ANKH: variants seen among roughly 807,000 people sequenced by gnomAD.
ANKH encodes mineralization regulator ANKH.
ANKH carries 15 observed loss-of-function variants against 49.0 expected under a neutral mutation model. That is an observed-to-expected ratio of 0.31 (90% CI 0.20 to 0.47). The LOEUF is 0.47. Among genes scored for constraint, ANKH ranks in the 20% least tolerant of loss-of-function variants. The pLI, the probability that ANKH is intolerant of heterozygous loss-of-function variation, is 1.00. For missense variants in ANKH, 429 were observed against 652.0 expected (o/e 0.66, Z 3.72); for synonymous variants, 273 against 260.0 (o/e 1.05, Z -0.48).
intron 1 of ANKH, among the ~76,000 whole-genome samples, chr5:14,818,378 G>A (rs1255649708): frequency 2.6e-5 from 4 of 151,642 alleles, no homozygotes; most frequent in Admixed American, 1.3e-4. Flanking sequence ...AGTGGCTCAC[G>A]CCTGTAATCC....
At chr5:14,803,532 A>T (rs1239445480) in intron 1 of ANKH, among the ~76,000 whole-genome samples, 1 of 152,188 alleles carries the variant, frequency 6.6e-6, no homozygotes, top group African/African-American at 2.4e-5. Context: ...CACCTGCCTC[A>T]GCCTCCCAAA....
intron 1 of ANKH, among the ~76,000 whole-genome samples, chr5:14,818,757 G>C (rs1211588012): frequency 6.6e-6 from 1 of 151,068 alleles, no homozygotes; most frequent in African/African-American, 2.4e-5. Context: ...ACTTCCAATG[G>C]AAACAGCAAT....
chr5:14,798,218 G>A, intron 1 of ANKH: 1 of 1,597,300 alleles, frequency 6.3e-7, no homozygotes, highest in Non-Finnish European at 8.6e-7. Context: ...GATGAAGGCT[G>A]AAATCTTTCC....
rs184987406 is a variant in ANKH at position 14,837,837 on chromosome 5, C to T, written c.96+33515G>A. On this transcript the variant is annotated intron_variant, in intron 1 of 11. Transcript: ENST00000284268. ...GACACATGGACACGTATGTTTACTGCGGCACTATTCACAATAGCAAAGACT... is the reference window on the plus strand; with the variant it reads ...GACACATGGACACGTATGTTTACTGTGGCACTATTCACAATAGCAAAGACT... Among the ~76,000 whole-genome samples, 534 of 152,236 alleles carry T rather than the reference C, an allele frequency of 3.5e-3. 4 individuals are homozygous for T. Among genetic ancestry groups the T allele is most frequent in the African/African-American group, 0.012 (503 of 41,542 alleles).
At chr5:14,822,158 T>C (rs1165665084) in intron 1 of ANKH, among the ~76,000 whole-genome samples, 1 of 152,214 alleles carries the variant, frequency 6.6e-6, no homozygotes, top group Admixed American at 6.5e-5. Flanking sequence ...AAAGTGCTAG[T>C]CTGAACTGTG....
rs1391712778 is a variant in ANKH, at chr5:14,713,828, T to TCCCTGCTCCTGAGCCTAGG, written c.1142-180_1142-162dup. The stretch of plus-strand genomic sequence containing the variant: ...CTCATCTTCCTGCCAGGGTTCCCCA[T>TCCCTGCTCCTGAGCCTAGG]CCCTGCTCCTGAGCCTAGGCCCGCC... On this transcript the variant is annotated intron_variant, in intron 9 of 11. Coordinates refer to ENST00000284268, the MANE Select transcript of ANKH (RefSeq NM_054027.6). The surrounding 1 kb of genome is among the most constrained non-coding windows in gnomAD (Gnocchi z 4.4). Among the ~76,000 whole-genome samples the TCCCTGCTCCTGAGCCTAGG allele has an allele frequency of 1.3e-5, 2 of 152,180 alleles. No individual in the cohort carries two copies. Among genetic ancestry groups the TCCCTGCTCCTGAGCCTAGG allele is most frequent in the Non-Finnish European group, 2.9e-5 (2 of 68,024 alleles).
At chr5:14,793,748 C>T (rs945864823) in intron 1 of ANKH, among the ~76,000 whole-genome samples, 3 of 152,286 alleles carry the variant, frequency 2.0e-5, no homozygotes, top group Admixed American at 6.5e-5. Context: ...AATGGCCCAG[C>T]CAGCTGTGTG....
intron 1 of ANKH, among the ~76,000 whole-genome samples, chr5:14,846,056 C>T (rs865996909): frequency 1.1e-4 from 17 of 151,832 alleles, no homozygotes; most frequent in Admixed American, 4.6e-4. Context: ...AGGGTTTCAC[C>T]GTGTTGGCCA....
chr5:14,744,608 G>A (rs900135498), intron 7 of ANKH, among the ~76,000 whole-genome samples: 2 of 76,344 alleles, frequency 2.6e-5, no homozygotes, highest in African/African-American at 9.7e-5. Context: ...GAAACTGCTC[G>A]GGAACTGCAG....
intron 11 of ANKH, among the ~76,000 whole-genome samples, chr5:14,712,427 A>G (rs1737255725): frequency 6.6e-6 from 1 of 152,228 alleles, no homozygotes. Context: ...AAGCTCTCGG[A>G]CTGCATCTCT....
chr5:14,740,452 C>G (rs1377895536), intron 8 of ANKH, among the ~76,000 whole-genome samples: 1 of 152,042 alleles, frequency 6.6e-6, no homozygotes, highest in Non-Finnish European at 1.5e-5. Context: ...CGGCCCCGCT[C>G]AAACAGGCAT....
At chr5:14,820,043 C>T (rs1301634964) in intron 1 of ANKH, among the ~76,000 whole-genome samples, 1 of 152,112 alleles carries the variant, frequency 6.6e-6, no homozygotes, top group Non-Finnish European at 1.5e-5. Flanking sequence ...ATTAAGATCT[C>T]ACTCCTGTAG....
intron 1 of ANKH, among the ~76,000 whole-genome samples, chr5:14,864,914 C>T (rs1204236481): frequency 6.6e-6 from 1 of 151,982 alleles, no homozygotes; most frequent in Non-Finnish European, 1.5e-5. Flanking sequence ...ACACACTTAC[C>T]CCACACACAC....
chr5:14,863,231 T>A (rs750960364), intron 1 of ANKH, among the ~76,000 whole-genome samples: 7 of 152,096 alleles, frequency 4.6e-5, no homozygotes, highest in South Asian at 2.1e-4. Flanking sequence ...AAATTTTTTT[T>A]AAACCCTACC....
At chr5:14,716,658 A>G (rs1163438578) in intron 9 of ANKH, 48 bp downstream of exon 9, 3 of 1,610,516 alleles carry the variant, frequency 1.9e-6, no homozygotes, top group Non-Finnish European at 2.5e-6. Context: ...AGATTTAATT[A>G]GGCATGAGGA....
chr5:14,746,190 G>A (rs1291687170), intron 6 of ANKH, among the ~76,000 whole-genome samples: 3 of 152,104 alleles, frequency 2.0e-5, no homozygotes, highest in African/African-American at 4.8e-5. Context: ...AGTGCAATGA[G>A]CCAGCCAACA....
chr5:14,814,083 C>T (rs372397950), intron 1 of ANKH, among the ~76,000 whole-genome samples: 1 of 152,180 alleles, frequency 6.6e-6, no homozygotes, highest in Non-Finnish European at 1.5e-5. Flanking sequence ...CTAACATCCT[C>T]GAGACAGCGT....
intron 1 of ANKH, among the ~76,000 whole-genome samples, chr5:14,847,085 G>A (rs1009401621): frequency 6.6e-6 from 1 of 151,990 alleles, no homozygotes; most frequent in Non-Finnish European, 1.5e-5. Flanking sequence ...TGGGATGAAG[G>A]GTGCTGCATC....
At chr5:14,728,585 C>G (rs1268725784) in intron 8 of ANKH, among the ~76,000 whole-genome samples, 2 of 152,166 alleles carry the variant, frequency 1.3e-5, no homozygotes, top group African/African-American at 4.8e-5. Context: ...CGTCTTTGTT[C>G]CAGACAAAGG....
Sources: allele counts gnomAD v4.1 joint callset (sites outside exome capture counted in the v4.1 genomes callset), GRCh38; gene constraint gnomAD v4.1.1; non-coding constraint Gnocchi (gnomAD v3.1); transcripts MANE v1.5; gene names NCBI Gene and HGNC (gene_info 2026-07-23, HGNC 2026-07-21).